Variants in SHB observed in about 807,000 individuals in gnomAD.
SHB encodes the protein SH2 domain-containing adapter protein B.
Under a neutral mutation model 52.3 loss-of-function variants are expected in SHB, and 20 were observed. The observed-to-expected ratio is 0.38, with a 90% CI of 0.27 to 0.56. The LOEUF (loss-of-function observed/expected upper bound fraction) is 0.56. Ranked by LOEUF, SHB falls within the 20% of genes least tolerant of loss-of-function variation. The pLI, the probability that SHB is intolerant of heterozygous loss-of-function variation, is 0.71. For synonymous variants in SHB, 397 were observed against 316.5 expected (o/e 1.25, Z -2.70); for missense variants, 825 against 723.3 (o/e 1.14, Z -1.61).
chr9:38,039,556 C>T (rs1821543001), intron 1 of SHB, among the ~76,000 whole-genome samples: 1 of 152,282 alleles, frequency 6.6e-6, no homozygotes, highest in East Asian at 1.9e-4. Flanking sequence ...TGGCCCCTCC[C>T]TGTGGGCCCA....
At chr9:38,055,842 T>C (rs1328597308) in intron 1 of SHB, among the ~76,000 whole-genome samples, 1 of 151,932 alleles carries the variant, frequency 6.6e-6, no homozygotes, top group East Asian at 1.9e-4. Flanking sequence ...TTGCCTCAAA[T>C]ACACCTAGAC....
chr9:37,997,721 C>A (rs1004109265), intron 2 of SHB, among the ~76,000 whole-genome samples: 1 of 152,220 alleles, frequency 6.6e-6, no homozygotes, highest in East Asian at 1.9e-4. Context: ...TCCACCACCT[C>A]AGGACTGGAA....
At chr9:37,928,991 T>C (rs950526296) in intron 5 of SHB, among the ~76,000 whole-genome samples, 22 of 152,184 alleles carry the variant, frequency 1.4e-4, no homozygotes, top group African/African-American at 4.6e-4. Flanking sequence ...CAATGGCTTT[T>C]ATAGCCCAAA....
intron 5 of SHB, among the ~76,000 whole-genome samples, chr9:37,942,971 T>TA (rs779100868): frequency 5.3e-5 from 8 of 152,144 alleles, no homozygotes; most frequent in Non-Finnish European, 1.0e-4. Flanking sequence ...ATGGGCCCCC[T>TA]AGTTCACTCA....
rs141357146 is a variant in SHB, at chr9:37,939,267, C to T, written c.1346+9368G>A. 1.1e-3 allele frequency among the ~76,000 whole-genome samples: 165 copies of T among 152,358 alleles called. 1 individual carries two copies. Among genetic ancestry groups the T allele is most frequent in the African/African-American group, 3.8e-3 (159 of 41,578 alleles). On this transcript the variant is annotated intron_variant, in intron 5 of 5. Transcript: ENST00000377707. Reference sequence around the variant, plus strand: ...TGAGTGCAAATGGAGAACTTCTAAGCTTAGCTGGAGCAAATGGCTGAGAAG... The same window carrying T: ...TGAGTGCAAATGGAGAACTTCTAAGTTTAGCTGGAGCAAATGGCTGAGAAG...
chr9:37,983,916 G>A (rs1820771826), intron 2 of SHB, among the ~76,000 whole-genome samples: 1 of 152,222 alleles, frequency 6.6e-6, no homozygotes, highest in African/African-American at 2.4e-5. Context: ...GGGTCCAGGT[G>A]AACCGACAGG....
Position 37,932,562 on chromosome 9 carries a change from C to CAAAAAA in SHB, c.1347-12564_1347-12559dup, listed in dbSNP as rs74171537. Among the ~76,000 whole-genome samples, 430 of 86,692 alleles carry CAAAAAA rather than the reference C, an allele frequency of 5.0e-3. 3 individuals carry two copies. The highest frequency in any genetic ancestry group is 0.017 in the African/African-American group (403 of 24,134). The allele number at this position is 86,692 out of a possible 152,430, so 56.9% of individuals were successfully genotyped here. A position where few individuals can be genotyped will look rare whatever the true frequency, so the allele number is the denominator to read the frequency against. On this transcript the variant is annotated intron_variant, in intron 5 of 5. Coordinates refer to ENST00000377707, the MANE Select transcript of SHB (RefSeq NM_003028.3). ...GAGTAGATGTTAGCTGCTCTAGCCA[C>CAAAAAA]AAAAAAAAAAAAAAAAAAAGGTAAC... is the stretch of plus-strand genomic sequence containing the variant.
At chr9:37,924,281 T>C (rs199761441) in intron 5 of SHB, among the ~76,000 whole-genome samples, 1 of 152,200 alleles carries the variant, frequency 6.6e-6, no homozygotes, top group African/African-American at 2.4e-5. Context: ...GGCCCCACCT[T>C]GCAGCGCAAT....
intron 1 of SHB, among the ~76,000 whole-genome samples, chr9:38,026,928 C>T (rs1587251261): frequency 1.3e-5 from 2 of 152,340 alleles, no homozygotes; most frequent in East Asian, 3.9e-4. Context: ...CCTCCTCCCC[C>T]TGCTCTTGCA....
At chr9:37,941,394 AT>A (rs1283720868) in intron 5 of SHB, among the ~76,000 whole-genome samples, 2 of 152,222 alleles carry the variant, frequency 1.3e-5, no homozygotes, top group African/African-American at 4.8e-5. Flanking sequence ...AGGCTCAGAG[AT>A]GTTCAGTCCC....
At chr9:38,007,136 A>G (rs1039910231) in intron 2 of SHB, among the ~76,000 whole-genome samples, 1 of 152,224 alleles carries the variant, frequency 6.6e-6, no homozygotes, top group Non-Finnish European at 1.5e-5. Context: ...GCAGGTGCTC[A>G]CAAATAGCCA....
chr9:37,942,985 T>G (rs1832452052), intron 5 of SHB, among the ~76,000 whole-genome samples: 1 of 152,112 alleles, frequency 6.6e-6, no homozygotes, highest in South Asian at 2.1e-4. Context: ...TCACTCATGG[T>G]TCTAGAATAC....
At chr9:38,031,624 C>T (rs1821414468) in intron 1 of SHB, among the ~76,000 whole-genome samples, 1 of 152,084 alleles carries the variant, frequency 6.6e-6, no homozygotes, top group South Asian at 2.1e-4. Context: ...TTTTCCAGAC[C>T]CTCTTCCCAC....
intron 1 of SHB, among the ~76,000 whole-genome samples, chr9:38,041,895 G>A (rs1821583701): frequency 6.6e-6 from 1 of 152,284 alleles, no homozygotes; most frequent in South Asian, 2.1e-4. Context: ...TAGTGCTTTG[G>A]GCCTTAGTGG....
chr9:38,007,082 T>G (rs1230621853), intron 2 of SHB, among the ~76,000 whole-genome samples: 1 of 152,244 alleles, frequency 6.6e-6, no homozygotes, highest in Non-Finnish European at 1.5e-5. Context: ...AACTTTGTTT[T>G]GTTCATGCAT....
At chr9:38,008,468 A>G (rs1423600979) in intron 2 of SHB, among the ~76,000 whole-genome samples, 2 of 152,232 alleles carry the variant, frequency 1.3e-5, no homozygotes, top group Non-Finnish European at 2.9e-5. Flanking sequence ...ATTCTGGCAA[A>G]TGACAGACCA....
rs1820635798 is a variant in SHB at position 37,974,788 on chromosome 9, T to C, written c.888A>G (p.Leu296=). ...SVRSQHKGIQ[L]YDTPYEPEGQ... ...CTTCAGGTTCGTAAGGGGTGTCATATAACTGGATACCTTTATGCTGGGACC... is the reference window on the plus strand; with the variant it reads ...CTTCAGGTTCGTAAGGGGTGTCATACAACTGGATACCTTTATGCTGGGACC... Residue 296 remains leucine, a synonymous_variant, in exon 3 of 6, where the codon TTA becomes TTG. Coordinates refer to ENST00000377707, the MANE Select transcript of SHB (RefSeq NM_003028.3). 1 of 1,614,150 alleles carries C rather than the reference T, an allele frequency of 6.2e-7. No individual in the cohort carries two copies. Among genetic ancestry groups the C allele is most frequent in the Non-Finnish European group, 8.5e-7 (1 of 1,180,024 alleles).
chr9:38,039,155 G>T (rs1031347403), intron 1 of SHB, among the ~76,000 whole-genome samples: 1 of 152,186 alleles, frequency 6.6e-6, no homozygotes, highest in African/African-American at 2.4e-5. Context: ...ATGGTGAAAA[G>T]CATCCTTAAG....
In SHB at chr9:38,068,422, C is replaced by T; in HGVS notation, c.224G>A (p.Gly75Asp). 4 of 1,564,274 alleles carry T rather than the reference C, an allele frequency of 2.6e-6. No individual in the cohort carries two copies. The highest frequency in any genetic ancestry group is 3.5e-6 in the Non-Finnish European group (4 of 1,159,224). ...ASSGSLPDDSGSTSDLIRAYR... is the reference protein window; with the variant it reads ...ASSGSLPDDSDSTSDLIRAYR... ...GGCGCGGATGAGGTCGCTGGTGCTGCCGCTGTCGTCGGGCAGCGAGCCCGA... is the reference window on the plus strand; with the variant it reads ...GGCGCGGATGAGGTCGCTGGTGCTGTCGCTGTCGTCGGGCAGCGAGCCCGA... Residue 75 changes from glycine (G) to aspartate (D), a missense_variant, in exon 1 of 6, where the codon GGC becomes GAC. Coordinates refer to ENST00000377707, the MANE Select transcript of SHB (RefSeq NM_003028.3).
Sources: allele counts gnomAD v4.1 joint callset (sites outside exome capture counted in the v4.1 genomes callset), GRCh38; gene constraint gnomAD v4.1.1; transcripts MANE v1.5; gene names NCBI Gene and HGNC (gene_info 2026-07-23, HGNC 2026-07-21).